Variants in ZNF185 observed in about 807,000 individuals in gnomAD.
ZNF185 encodes the protein zinc finger protein 185.
Under a neutral mutation model 58.6 loss-of-function variants are expected in ZNF185, and 56 were observed. That is an observed-to-expected ratio of 0.95 (90% CI 0.77 to 1.19). ZNF185 has a LOEUF of 1.19. ZNF185 is among the 50% of genes most tolerant of loss of function. The pLI is 0.00. For synonymous variants in ZNF185, 230 were observed against 215.9 expected, an observed-to-expected ratio of 1.07 and a Z score of -0.57; for missense variants, 627 against 573.5, an observed-to-expected ratio of 1.09 and a Z score of -0.95.
chrX:152,908,934 G>A, the ZNF185 span, among the ~76,000 whole-genome samples: 1 of 113,473 alleles, frequency 8.8e-6, no homozygotes, highest in Non-Finnish European at 1.9e-5. Context: ...GCCTGACACA[G>A]GGGTGGTGCT....
chrX:152,912,620 C>T (rs782576866), upstream of ZNF185, among the ~76,000 whole-genome samples: 1 of 111,642 alleles, frequency 9.0e-6, no homozygotes, highest in East Asian at 2.8e-4. Flanking sequence ...GAAAGGAGTA[C>T]GTCTTTGAGG....
intron 16 of ZNF185, among the ~76,000 whole-genome samples, chrX:152,952,435 A>T (rs2048380462): frequency 8.9e-6 from 1 of 112,482 alleles, no homozygotes; most frequent in African/African-American, 3.2e-5. Context: ...GGGATTTTGT[A>T]AATTAATTTG....
At chrX:152,910,683 C>T (rs1453769717), upstream of ZNF185, among the ~76,000 whole-genome samples, 2 of 112,448 alleles carry the variant, frequency 1.8e-5, no homozygotes, top group South Asian at 3.7e-4. Context: ...TTGCTGTACT[C>T]GTGCAATTTC....
chrX:152,942,396 T>A (rs1569508975), intron 15 of ZNF185, among the ~76,000 whole-genome samples: 3 of 111,845 alleles, frequency 2.7e-5, no homozygotes. Flanking sequence ...ATCTTCTCTG[T>A]GCCTCAGGTT....
At chrX:152,964,287 T>C (rs1556912837) in intron 18 of ZNF185, among the ~76,000 whole-genome samples, 1 of 112,716 alleles carries the variant, frequency 8.9e-6, no homozygotes, top group Non-Finnish European at 1.9e-5. Flanking sequence ...GGCATTCCTG[T>C]GTTACTGTAA....
At chrX:152,913,129 GC>G, upstream of ZNF185, among the ~76,000 whole-genome samples, 1 of 112,770 alleles carries the variant, frequency 8.9e-6, no homozygotes, top group Middle Eastern at 4.6e-3. Context: ...TCCAGGCCCT[GC>G]CAGCTGGCAG....
chrX:152,917,089 C>T, intron 3 of ZNF185, 42 bp from the exon 5 acceptor site: 1 of 1,210,529 alleles, frequency 8.3e-7, no homozygotes, highest in Admixed American at 2.2e-5. Flanking sequence ...CTCAGCCCTC[C>T]AGCAAGCCTC....
chrX:152,936,178 C>T (rs903644848), intron 14 of ZNF185, among the ~76,000 whole-genome samples: 2 of 112,687 alleles, frequency 1.8e-5, no homozygotes, highest in African/African-American at 6.5e-5. Flanking sequence ...GGTAACATGC[C>T]CAATGTCACA....
At chrX:152,923,029 C>A (rs1556870616) in intron 11 of ZNF185, among the ~76,000 whole-genome samples, 1 of 112,558 alleles carries the variant, frequency 8.9e-6, no homozygotes, top group Admixed American at 9.4e-5. Flanking sequence ...CTGTGGACAA[C>A]TAATACCTTC....
At chrX:152,918,256 C>T (rs1367737308) in intron 6 of ZNF185, 102 bp downstream of exon 7, 4 of 942,313 alleles carry the variant, frequency 4.2e-6, no homozygotes, top group Non-Finnish European at 4.5e-6. Context: ...CCGAGCACAG[C>T]CCGGGAAGTC....
chrX:152,963,911 T>A lies in ZNF185; in HGVS notation c.1680T>A (p.Ile560=), dbSNP rs782158871. ...CATCTGAGCAGCCTCACATTTATAT[T>A]CCAGCCCCCGCAAGTGAATTGGACT... The change falls in exon 18 of 23, where the codon ATT becomes ATA. Residue 560 remains isoleucine (I), a synonymous_variant. Transcript: ENST00000449285. 9 of 1,210,060 alleles carry A rather than the reference T, an allele frequency of 7.4e-6. No individual in the cohort carries two copies. The South Asian group carries it at 1.2e-4, about 17-fold the overall frequency.
intron 11 of ZNF185, among the ~76,000 whole-genome samples, chrX:152,924,463 GC>G (rs782010454): frequency 1.8e-5 from 2 of 110,692 alleles, no homozygotes; most frequent in Non-Finnish European, 3.8e-5. Flanking sequence ...CTGGATTAGG[GC>G]CCACCCTAAC....
At chrX:152,915,194 C>T (rs782242950) in exon 3 of ZNF185, 13 of 1,208,165 alleles carry the variant, frequency 1.1e-5, no homozygotes, top group South Asian at 5.3e-5. Context: ...GGGGAGGTTC[C>T]GAAGCCTAGG....
chrX:152,973,355 T>G (rs1556921389), exon 23 of ZNF185: 1 of 112,539 alleles, frequency 8.9e-6, no homozygotes, highest in African/African-American at 3.2e-5. Context: ...GGCACAGAAT[T>G]TTGCAGATCT....
At chrX:152,917,289 G>T in exon 5 of ZNF185, 1 of 1,211,685 alleles carries the variant, frequency 8.3e-7, no homozygotes, top group Non-Finnish European at 1.1e-6. Flanking sequence ...TTTCAGGGGA[G>T]TGTTCACCAA....
chrX:152,915,264 G>T, intron 3 of ZNF185, 61 bp downstream of exon 4: 1 of 1,143,506 alleles, frequency 8.7e-7, no homozygotes, highest in Non-Finnish European at 1.2e-6. Flanking sequence ...GCAGCTTGGG[G>T]CCAGCCCTCA....
intron 16 of ZNF185, among the ~76,000 whole-genome samples, chrX:152,955,499 G>C (rs1165640213): frequency 8.0e-5 from 9 of 112,541 alleles, no homozygotes; most frequent in Non-Finnish European, 1.3e-4. Context: ...TAAAGTCTTA[G>C]TTTGATTATG....
At chrX:152,913,556 G>A (rs182931500), upstream of ZNF185, among the ~76,000 whole-genome samples, 44 of 112,827 alleles carry the variant, frequency 3.9e-4, no homozygotes, top group African/African-American at 1.4e-3. Context: ...GGAAGAGGAA[G>A]CAGAGCTCAA....
At chrX:152,922,743 C>A in exon 11 of ZNF185, 1 of 1,200,723 alleles carries the variant, frequency 8.3e-7, no homozygotes, top group East Asian at 3.0e-5. Context: ...AGGACCAAAG[C>A]GTCTCGGGCA....
Sources: allele counts gnomAD v4.1 joint callset (sites outside exome capture counted in the v4.1 genomes callset), GRCh38; gene constraint gnomAD v4.1.1; transcripts MANE v1.5; gene names NCBI Gene and HGNC (gene_info 2026-07-23, HGNC 2026-07-21).